LCLAT1: variants seen among roughly 807,000 people sequenced by gnomAD.
LCLAT1 encodes 1-AGP acyltransferase 8.
LCLAT1 carries 11 observed loss-of-function variants against 30.7 expected under a neutral mutation model. The ratio of observed to expected loss-of-function variants is 0.36; its 90% CI spans 0.23 to 0.59. The LOEUF (loss-of-function observed/expected upper bound fraction) is 0.59. LCLAT1 is among the 20% of genes least tolerant of loss of function. The probability of loss-of-function intolerance (pLI) is 0.77; values close to 1 mark genes in which losing one functional copy is unlikely to be tolerated. For missense variants in LCLAT1, 402 were observed against 458.6 expected, an observed-to-expected ratio of 0.88 and a Z score of 1.13; for synonymous variants, 155 against 151.3, an observed-to-expected ratio of 1.02 and a Z score of -0.18.
At chr2:30,448,305 A>G (rs1228348414) in intron 1 of LCLAT1, among the ~76,000 whole-genome samples, 1 of 152,270 alleles carries the variant, frequency 6.6e-6, no homozygotes, top group African/African-American at 2.4e-5. Context: ...AAGTATAACT[A>G]CGTGGGTTAG....
intron 5 of LCLAT1, among the ~76,000 whole-genome samples, chr2:30,626,054 A>G (rs1416572861): frequency 6.6e-6 from 1 of 152,228 alleles, no homozygotes; most frequent in Non-Finnish European, 1.5e-5. Context: ...AATTTGTGGC[A>G]TGAATAATGC....
At chr2:30,545,819 G>A (rs1297051257) in intron 3 of LCLAT1, among the ~76,000 whole-genome samples, 5 of 152,086 alleles carry the variant, frequency 3.3e-5, no homozygotes, top group East Asian at 1.9e-4. Context: ...CCAACTGTAC[G>A]TACCCAACTC....
intron 1 of LCLAT1, among the ~76,000 whole-genome samples, chr2:30,479,542 T>C (rs1216096438): frequency 1.3e-5 from 2 of 152,174 alleles, no homozygotes; most frequent in East Asian, 3.9e-4. Context: ...CCACCATGCC[T>C]GGCTGTGTAT....
intron 1 of LCLAT1, among the ~76,000 whole-genome samples, chr2:30,469,391 A>C (rs570680872): frequency 6.6e-6 from 1 of 151,956 alleles, no homozygotes; most frequent in East Asian, 1.9e-4. Context: ...TAGGTTTTTG[A>C]TAGATTTTGA....
chr2:30,504,894 T>C (rs761782578), intron 1 of LCLAT1, among the ~76,000 whole-genome samples: 1 of 152,202 alleles, frequency 6.6e-6, no homozygotes, highest in East Asian at 1.9e-4. Context: ...TGTAATTATT[T>C]ATATAAACCA....
rs528099980 is a variant in LCLAT1 at position 30,559,224 on chromosome 2, G to A, written c.365-2922G>A. Among the ~76,000 whole-genome samples the A allele has an allele frequency of 4.6e-5, 7 of 152,326 alleles. No individual in the cohort carries two copies. In the East Asian group the frequency reaches 1.3e-3, roughly 29 times the overall value. ...AAATAGGACACATGGAAGCATTTGA[G>A]TATTTTAGAAATGTTCAATATCTTA... is the stretch of plus-strand genomic sequence containing the variant. On this transcript the variant is annotated intron_variant, in intron 3 of 5. Transcript: ENST00000379509.
At chr2:30,573,038 A>AT (rs1665851067) in intron 5 of LCLAT1, among the ~76,000 whole-genome samples, 3 of 152,186 alleles carry the variant, frequency 2.0e-5, no homozygotes. Flanking sequence ...ATACTGGTTC[A>AT]TTTTTTATTA....
intron 5 of LCLAT1, among the ~76,000 whole-genome samples, chr2:30,569,835 G>A (rs1445282414): frequency 2.0e-5 from 3 of 152,112 alleles, no homozygotes; most frequent in Non-Finnish European, 4.4e-5. Context: ...ATATAACATG[G>A]ACTTGTGGAC....
chr2:30,582,246 A>G (rs1429632012), intron 5 of LCLAT1, among the ~76,000 whole-genome samples: 2 of 151,198 alleles, frequency 1.3e-5, no homozygotes, highest in Non-Finnish European at 2.9e-5. Context: ...AAATTGTTCA[A>G]TAAATATTGA....
chr2:30,630,148 T>G (rs950139992), intron 5 of LCLAT1, among the ~76,000 whole-genome samples: 2 of 152,192 alleles, frequency 1.3e-5, no homozygotes, highest in Admixed American at 6.5e-5. Flanking sequence ...TCTCACTGTG[T>G]CCTCACGTGA....
intron 1 of LCLAT1, among the ~76,000 whole-genome samples, chr2:30,490,427 G>A (rs1353301200): frequency 1.3e-5 from 2 of 151,968 alleles, no homozygotes; most frequent in South Asian, 2.1e-4. Flanking sequence ...GGATGACCTC[G>A]TGATCCGTCT....
intron 5 of LCLAT1, among the ~76,000 whole-genome samples, chr2:30,615,655 G>A (rs1420794380): frequency 6.6e-6 from 1 of 152,070 alleles, no homozygotes; most frequent in Non-Finnish European, 1.5e-5. Context: ...TGGGAGAAAA[G>A]AGACACCACA....
At chr2:30,561,362 A>G (rs760070326) in intron 3 of LCLAT1, among the ~76,000 whole-genome samples, 6 of 151,928 alleles carry the variant, frequency 3.9e-5, no homozygotes, top group Non-Finnish European at 5.9e-5. Flanking sequence ...GAGGGGGAAC[A>G]TTTGGTTGGC....
chr2:30,562,400 G>A, intron 4 of LCLAT1, 108 bp downstream of exon 4: 2 of 868,086 alleles, frequency 2.3e-6, no homozygotes, highest in South Asian at 2.6e-5. Flanking sequence ...TCCAGGTGTG[G>A]TGGTCCATCC....
chr2:30,471,295 C>T (rs564128452), intron 1 of LCLAT1, among the ~76,000 whole-genome samples: 66 of 151,940 alleles, frequency 4.3e-4, no homozygotes, highest in Admixed American at 1.2e-3. Context: ...CTGCAACCTC[C>T]GCCTCCCGGG....
At chr2:30,558,704 TTAAG>T (rs1476497146) in intron 3 of LCLAT1, among the ~76,000 whole-genome samples, 1 of 151,794 alleles carries the variant, frequency 6.6e-6, no homozygotes, top group African/African-American at 2.4e-5. Flanking sequence ...ACTCCTAAGA[TTAAG>T]TGTCGGGGAA....
chr2:30,612,649 T>A (rs1028611710), intron 5 of LCLAT1, among the ~76,000 whole-genome samples: 1 of 152,228 alleles, frequency 6.6e-6, no homozygotes. Flanking sequence ...GAATGTCTCA[T>A]GTCCAGAACA....
At chr2:30,483,514 A>C (rs950269630) in intron 1 of LCLAT1, among the ~76,000 whole-genome samples, 1 of 152,122 alleles carries the variant, frequency 6.6e-6, no homozygotes, top group African/African-American at 2.4e-5. Context: ...CTACCTCCAT[A>C]GGGTTGTTCT....
intron 1 of LCLAT1, among the ~76,000 whole-genome samples, chr2:30,521,917 G>A (rs750567448): frequency 6.6e-6 from 1 of 152,068 alleles, no homozygotes; most frequent in Middle Eastern, 3.2e-3. Context: ...TGTCTGGAAT[G>A]TCATATAAAT....
Sources: gnomAD v4.1 joint callset for allele counts (sites outside exome capture counted in the v4.1 genomes callset) on GRCh38, gnomAD v4.1.1 for gene constraint, MANE v1.5 for transcripts, NCBI Gene and HGNC (gene_info 2026-07-23, HGNC 2026-07-21) for gene names.